Variants in AIRIM observed in about 807,000 individuals in gnomAD.
AIRIM encodes AFG2-interacting ribosome maturation factor.
chr1:37,686,262 G>A, the AIRIM span: 1 of 1,607,748 alleles, frequency 6.2e-7, no homozygotes, highest in Non-Finnish European at 8.5e-7. Context: ...TGAAATGTGT[G>A]CAAAGGATAC....
chr1:37,686,601 G>A, the AIRIM span: 1 of 735,386 alleles, frequency 1.4e-6, no homozygotes, highest in African/African-American at 1.8e-5. Context: ...GAGCATGCCT[G>A]GCCCCTACCC....
the AIRIM span, among the ~76,000 whole-genome samples, chr1:37,685,197 G>GGGGT: frequency 7.8e-6 from 1 of 127,956 alleles, no homozygotes; most frequent in East Asian, 2.9e-4. Context: ...TTTTTTGGGG[G>GGGGT]GGGGGGGTGG....
the AIRIM span, among the ~76,000 whole-genome samples, chr1:37,689,025 A>C: frequency 6.6e-6 from 1 of 151,608 alleles, no homozygotes; most frequent in Non-Finnish European, 1.5e-5. Flanking sequence ...CAAGCATATC[A>C]GAACTTGGAG....
chr1:37,690,569 T>G, the AIRIM span: 6 of 1,013,182 alleles, frequency 5.9e-6, no homozygotes, highest in East Asian at 3.3e-4. Flanking sequence ...TCCGCGGGCC[T>G]GCCTGGCTAC....
chr1:37,690,100 T>A, the AIRIM span: 3 of 1,331,058 alleles, frequency 2.3e-6, no homozygotes, highest in Non-Finnish European at 3.0e-6. Context: ...CACTGCAACC[T>A]CCGCATCCCG....
the AIRIM span, among the ~76,000 whole-genome samples, chr1:37,687,100 GTGTGTGTGTGTA>G: frequency 4.5e-5 from 6 of 133,282 alleles, no homozygotes; most frequent in African/African-American, 2.0e-4. Context: ...GTGTGTGTGT[GTGTGTGTGTGTA>G]TAGTTTTTGT....
At chr1:37,685,338 T>TAGCTGGG in the AIRIM span, among the ~76,000 whole-genome samples, 1 of 149,078 alleles carries the variant, frequency 6.7e-6, no homozygotes, top group African/African-American at 2.5e-5. Context: ...GCCTCCTGAG[T>TAGCTGGG]AGCTGGGACT....
chr1:37,690,183 A>T, the AIRIM span: 30 of 1,164,054 alleles, frequency 2.6e-5, no homozygotes, highest in Admixed American at 5.0e-5. Flanking sequence ...CGCCTGGCTA[A>T]TTTTTGTATT....
the AIRIM span, chr1:37,681,976 A>G: frequency 6.6e-6 from 1 of 152,310 alleles, no homozygotes; most frequent in Admixed American, 6.5e-5. Context: ...CTGTATTTCC[A>G]ATATTTTGGG....
chr1:37,692,198 T>C, the AIRIM span: 7 of 170,020 alleles, frequency 4.1e-5, no homozygotes, highest in Admixed American at 3.3e-4. Context: ...CCTGACCTAG[T>C]AGGCCCCCAG....
the AIRIM span, among the ~76,000 whole-genome samples, chr1:37,687,141 T>C: frequency 2.4e-4 from 37 of 151,940 alleles, no homozygotes; most frequent in Admixed American, 2.0e-3. Context: ...TTTGTTTTTT[T>C]ATTGAGATGG....
chr1:37,691,278 A>C, the AIRIM span: 6 of 152,292 alleles, frequency 3.9e-5, no homozygotes, highest in African/African-American at 1.4e-4. Context: ...GCTGGTGCCC[A>C]TCAGGAGCCT....
chr1:37,682,859 T>C, the AIRIM span: 7 of 438,884 alleles, frequency 1.6e-5, no homozygotes, highest in Non-Finnish European at 2.9e-5. Flanking sequence ...GTCTTTCCTG[T>C]TGTCTCTCTA....
the AIRIM span, chr1:37,682,957 T>C: frequency 1.4e-6 from 1 of 690,718 alleles, no homozygotes; most frequent in Non-Finnish European, 2.5e-6. Context: ...AGCTCCAAAA[T>C]CAGACATCTA....
chr1:37,690,015 G>GTT, the AIRIM span: 91 of 1,243,736 alleles, frequency 7.3e-5, no homozygotes, highest in Middle Eastern at 3.0e-4. Context: ...CAGAAGCAGG[G>GTT]TTTTTTTTTT....
chr1:37,689,111 C>T, the AIRIM span, among the ~76,000 whole-genome samples: 1 of 152,170 alleles, frequency 6.6e-6, no homozygotes, highest in African/African-American at 2.4e-5. Flanking sequence ...GCCTTTGTGT[C>T]AGGCACACTT....
At chr1:37,687,882 T>G in the AIRIM span, among the ~76,000 whole-genome samples, 18 of 151,754 alleles carry the variant, frequency 1.2e-4, no homozygotes, top group Admixed American at 1.0e-3. Flanking sequence ...CTCATCTTTT[T>G]TTTGTTTTGC....
the AIRIM span, chr1:37,690,596 A>C: frequency 3.2e-6 from 2 of 629,332 alleles, no homozygotes; most frequent in Non-Finnish European, 4.5e-6. Context: ...GCGAAAATAT[A>C]TCGTAGTGCC....
the AIRIM span, among the ~76,000 whole-genome samples, chr1:37,687,077 TGTG>T: frequency 4.1e-5 from 6 of 148,076 alleles, no homozygotes; most frequent in African/African-American, 1.5e-4. Context: ...TGTGTGTGTG[TGTG>T]TGTGTGTGTG....
Sources: allele counts gnomAD v4.1 joint callset (sites outside exome capture counted in the v4.1 genomes callset), GRCh38; gene constraint gnomAD v4.1.1; transcripts MANE v1.5; gene names NCBI Gene and HGNC (gene_info 2026-07-23, HGNC 2026-07-21).